Variants in LHX8 observed in about 807,000 individuals in gnomAD.
The protein encoded by LHX8 is LIM homeobox 8, also known as LIM/homeobox protein Lhx8.
LHX8 carries 12 observed loss-of-function variants against 40.3 expected under a neutral mutation model. That is an observed-to-expected ratio of 0.30 (90% CI 0.19 to 0.48). The LOEUF (loss-of-function observed/expected upper bound fraction) is 0.48, where lower values mean the gene tolerates loss of function less well. LHX8 is among the 20% of genes least tolerant of loss of function. The probability of loss-of-function intolerance (pLI) is 0.99; values close to 1 mark genes in which losing one functional copy is unlikely to be tolerated. For synonymous variants in LHX8, 179 were observed against 162.0 expected, an observed-to-expected ratio of 1.10 and a Z score of -0.80; for missense variants, 344 against 433.7, an observed-to-expected ratio of 0.79 and a Z score of 1.84.
chr1:75,179,985 A>T, the LHX8 span, among the ~76,000 whole-genome samples: 2 of 152,048 alleles, frequency 1.3e-5, no homozygotes, highest in Non-Finnish European at 2.9e-5. Context: ...CTGGATTGAA[A>T]ATTCTTGTCT....
At chr1:75,197,166 C>T in the LHX8 span, among the ~76,000 whole-genome samples, 1 of 152,056 alleles carries the variant, frequency 6.6e-6, no homozygotes, top group African/African-American at 2.4e-5. Context: ...TAGGAAAACA[C>T]AGAAACATTT....
chr1:75,136,729 T>C, intron 2 of LHX8, 40 bp downstream of exon 2: 1 of 1,443,508 alleles, frequency 6.9e-7, no homozygotes. Flanking sequence ...AGACTGGCCG[T>C]GGGGAGGCGG....
At chr1:75,150,982 A>G (rs148146478) in intron 7 of LHX8, among the ~76,000 whole-genome samples, 201 of 152,280 alleles carry the variant, frequency 1.3e-3, no homozygotes, top group African/African-American at 4.4e-3. Context: ...GCCGGAAAAT[A>G]ATTTTAAATA....
the LHX8 span, among the ~76,000 whole-genome samples, chr1:75,168,485 C>G: frequency 6.6e-6 from 1 of 152,204 alleles, no homozygotes; most frequent in African/African-American, 2.4e-5. Context: ...CCTCAGCCTC[C>G]CAAAGTGCTG....
chr1:75,184,823 T>G, the LHX8 span, among the ~76,000 whole-genome samples: 308 of 111,658 alleles, frequency 2.8e-3, no homozygotes, highest in African/African-American at 0.011. Flanking sequence ...CAGCAGCTGT[T>G]TTTTTTTTTT....
chr1:75,137,154 T>TC lies in LHX8; in HGVS notation c.134dup (p.Ser46ValfsTer37). ...CTCGTGCTCCTCCTCGGCCCCGCTG[T>TC]CCCCGTCGTCCTCGCCCCGGTCCAT... On this transcript the variant is annotated frameshift_variant, in exon 3 of 9. Transcript: ENST00000356261. LOFTEE classifies it high-confidence loss of function. The TC allele has an allele frequency of 6.2e-7, 1 of 1,612,816 alleles. No individual in the cohort carries two copies. Among genetic ancestry groups the TC allele is most frequent in the Non-Finnish European group, 8.5e-7 (1 of 1,179,594 alleles).
intron 7 of LHX8, among the ~76,000 whole-genome samples, chr1:75,151,468 A>G (rs943378255): frequency 2.0e-5 from 3 of 152,246 alleles, no homozygotes; most frequent in African/African-American, 7.2e-5. Context: ...TCTGGAGATA[A>G]GGCCAGGAGA....
intron 1 of LHX8, 25 bp downstream of exon 1, chr1:75,134,979 G>A: frequency 1.0e-6 from 1 of 979,106 alleles, no homozygotes; most frequent in Non-Finnish European, 1.2e-6. Context: ...TGTTCTATTT[G>A]CTGTGGTGAT....
At chr1:75,174,025 GA>G in the LHX8 span, among the ~76,000 whole-genome samples, 14,660 of 145,058 alleles carry the variant, frequency 0.1, 1,030 homozygotes, top group African/African-American at 0.2. Context: ...AAATCTAAAA[GA>G]AAAAAAAAAA....
rs1371762552 is a variant in LHX8, at chr1:75,157,064, A to T, written c.952A>T (p.Ser318Cys). 1.2e-6 allele frequency: 2 copies of T among 1,614,064 alleles called. No individual in the cohort carries two copies. The highest frequency in any genetic ancestry group is 1.7e-6 in the Non-Finnish European group (2 of 1,180,030). ...QDGTMLTALH[S>C]YMDAHSPTTL... ...TGGAACGATGTTAACTGCGCTGCATAGTTATATGGATGGTAGGTATCCCAA... is the reference window on the plus strand; with the variant it reads ...TGGAACGATGTTAACTGCGCTGCATTGTTATATGGATGGTAGGTATCCCAA... Residue 318 changes from serine to cysteine, a missense_variant, in exon 8 of 9, where the codon AGT becomes TGT. Transcript: ENST00000356261.
At chr1:75,142,943 T>G (rs1648357096) in intron 4 of LHX8, among the ~76,000 whole-genome samples, 175 bp from the exon 5 acceptor site, 1 of 152,208 alleles carries the variant, frequency 6.6e-6, no homozygotes, top group African/African-American at 2.4e-5. Flanking sequence ...TATCTCATCT[T>G]GATTTCTTAT....
At chr1:75,164,848 G>T (rs776929349), downstream of LHX8, among the ~76,000 whole-genome samples, 11 of 145,744 alleles carry the variant, frequency 7.5e-5, no homozygotes, top group African/African-American at 2.0e-4. Context: ...ATTTTTTTTT[G>T]TAGAGACTAG....
At chr1:75,149,245 C>A (rs946535358) in intron 7 of LHX8, among the ~76,000 whole-genome samples, 1 of 152,138 alleles carries the variant, frequency 6.6e-6, no homozygotes, top group East Asian at 1.9e-4. Flanking sequence ...TGAATTAGTG[C>A]AAGTTTTTTC....
At chr1:75,145,215 A>G (rs1648429555) in intron 6 of LHX8, among the ~76,000 whole-genome samples, 1 of 152,162 alleles carries the variant, frequency 6.6e-6, no homozygotes, top group South Asian at 2.1e-4. Context: ...ATTATTATGA[A>G]GATCACACAA....
At chr1:75,145,110 G>A (rs1297867856) in intron 6 of LHX8, among the ~76,000 whole-genome samples, 1 of 152,090 alleles carries the variant, frequency 6.6e-6, no homozygotes, top group Non-Finnish European at 1.5e-5. Flanking sequence ...TCTTAATTTA[G>A]GCATAAAGTA....
the LHX8 span, among the ~76,000 whole-genome samples, chr1:75,182,748 A>T: frequency 6.6e-6 from 1 of 152,138 alleles, no homozygotes; most frequent in East Asian, 1.9e-4. Flanking sequence ...AAGTCCAGTA[A>T]TGTTATGCCT....
chr1:75,171,991 G>A, the LHX8 span, among the ~76,000 whole-genome samples: 2 of 152,084 alleles, frequency 1.3e-5, no homozygotes, highest in Non-Finnish European at 2.9e-5. Context: ...GAAACTTCAG[G>A]GATGTGCTGG....
chr1:75,132,309 C>A (rs2100323839), upstream of LHX8: 2 of 152,480 alleles, frequency 1.3e-5, no homozygotes, highest in East Asian at 3.9e-4. Context: ...ACACTCGACC[C>A]CCAGCCAAAG....
chr1:75,137,738 C>T (rs1021586543), intron 3 of LHX8, among the ~76,000 whole-genome samples: 9 of 152,166 alleles, frequency 5.9e-5, no homozygotes, highest in African/African-American at 2.2e-4. Context: ...TTAACTGATT[C>T]CCTTTTGCAG....
Sources: gnomAD v4.1 joint callset for allele counts (sites outside exome capture counted in the v4.1 genomes callset) on GRCh38, gnomAD v4.1.1 for gene constraint, MANE v1.5 for transcripts, NCBI Gene and HGNC (gene_info 2026-07-23, HGNC 2026-07-21) for gene names.